Variants in PRKCA observed in about 807,000 individuals in gnomAD.
The protein encoded by PRKCA is protein kinase C alpha type.
Under a neutral mutation model 87.0 loss-of-function variants are expected in PRKCA, and 27 were observed. That is an observed-to-expected ratio of 0.31 (90% CI 0.23 to 0.43). PRKCA has a LOEUF of 0.43. Ranked by LOEUF, PRKCA falls within the 20% of genes least tolerant of loss-of-function variation. PRKCA has a pLI of 1.00. For missense variants in PRKCA, 518 were observed against 852.3 expected, an observed-to-expected ratio of 0.61 and a Z score of 4.88; for synonymous variants, 329 against 311.1, an observed-to-expected ratio of 1.06 and a Z score of -0.61.
At chr17:66,587,929 A>C (rs1598796487) in intron 3 of PRKCA, among the ~76,000 whole-genome samples, 2 of 122,310 alleles carry the variant, frequency 1.6e-5, no homozygotes, top group South Asian at 2.5e-4. Flanking sequence ...ATATATATAT[A>C]TATCCTGCAG....
intron 3 of PRKCA, among the ~76,000 whole-genome samples, chr17:66,590,929 C>T (rs1166159851): frequency 1.3e-5 from 2 of 152,120 alleles, no homozygotes; most frequent in Non-Finnish European, 2.9e-5. Context: ...GAACCCACCG[C>T]CGCAGCTTAA....
chr17:66,738,514 G>A (rs946103596), intron 10 of PRKCA, among the ~76,000 whole-genome samples: 7 of 152,332 alleles, frequency 4.6e-5, no homozygotes, highest in South Asian at 4.1e-4. Flanking sequence ...TATGTAACAG[G>A]AAGGCACGTT....
chr17:66,743,981 C>T (rs1974215100), intron 13 of PRKCA, among the ~76,000 whole-genome samples: 1 of 152,080 alleles, frequency 6.6e-6, no homozygotes, highest in African/African-American at 2.4e-5. Context: ...GGATAATATC[C>T]TCCTTGTAGA....
intron 16 of PRKCA, among the ~76,000 whole-genome samples, chr17:66,795,054 A>G (rs1310085653): frequency 2.0e-5 from 3 of 151,874 alleles, no homozygotes; most frequent in African/African-American, 7.3e-5. Context: ...ATATATACTT[A>G]TTTTTTTCTG....
Position 66,759,433 on chromosome 17 carries a change from A to G in PRKCA, c.1525-14554A>G, listed in dbSNP as rs570255997. 2.6e-5 allele frequency among the ~76,000 whole-genome samples: 4 copies of G among 152,096 alleles called. No homozygotes were observed. The South Asian group carries it at 6.2e-4, about 24-fold the overall frequency. On this transcript the variant is annotated intron_variant, in intron 13 of 16. Coordinates refer to ENST00000413366, the MANE Select transcript of PRKCA (RefSeq NM_002737.3). ...TTCTAGGGCAACCACTAAGAAAAGG[A>G]AAAAAGGAAGTCACTGATATGCTAA...
chr17:66,664,444 T>G (rs1326600747), intron 5 of PRKCA, among the ~76,000 whole-genome samples: 1 of 152,014 alleles, frequency 6.6e-6, no homozygotes, highest in Non-Finnish European at 1.5e-5. Context: ...CAAGAGAAAT[T>G]CATGGGCCCA....
At chr17:66,518,041 C>T (rs1967026926) in intron 3 of PRKCA, among the ~76,000 whole-genome samples, 1 of 152,006 alleles carries the variant, frequency 6.6e-6, no homozygotes, top group African/African-American at 2.4e-5. Context: ...ATAACCTTAC[C>T]TCCCAGTAGC....
chr17:66,709,692 T>TC (rs1480789249), intron 8 of PRKCA, among the ~76,000 whole-genome samples: 4 of 151,314 alleles, frequency 2.6e-5, no homozygotes, highest in Middle Eastern at 3.5e-3. Flanking sequence ...TTTTTTTTTT[T>TC]CCCTTTTTCT....
intron 3 of PRKCA, among the ~76,000 whole-genome samples, chr17:66,640,696 C>T (rs1468824934): frequency 1.3e-5 from 2 of 152,154 alleles, no homozygotes; most frequent in Admixed American, 6.5e-5. Flanking sequence ...TACTCGTGCC[C>T]CAGCCTGCGC....
At chr17:66,670,319 G>A (rs189534244) in intron 5 of PRKCA, among the ~76,000 whole-genome samples, 14 of 152,176 alleles carry the variant, frequency 9.2e-5, no homozygotes, top group African/African-American at 3.1e-4. Context: ...TATCAAAACT[G>A]TAACTCATAT....
chr17:66,408,329 A>G (rs1911539968), intron 2 of PRKCA, among the ~76,000 whole-genome samples: 1 of 152,236 alleles, frequency 6.6e-6, no homozygotes, highest in Non-Finnish European at 1.5e-5. Flanking sequence ...CTGTTAATTA[A>G]TTAGTACCTT....
chr17:66,717,393 C>G (rs1283915841), intron 8 of PRKCA, among the ~76,000 whole-genome samples: 1 of 152,164 alleles, frequency 6.6e-6, no homozygotes, highest in East Asian at 1.9e-4. Context: ...TTTGCTCACC[C>G]TCGATGTAGG....
At chr17:66,587,635 G>T (rs1239119049) in intron 3 of PRKCA, among the ~76,000 whole-genome samples, 2 of 149,636 alleles carry the variant, frequency 1.3e-5, no homozygotes, top group Non-Finnish European at 3.0e-5. Context: ...TAGATATATA[G>T]ATATATATAA....
chr17:66,434,579 C>T (rs1033914584), intron 2 of PRKCA, among the ~76,000 whole-genome samples: 10 of 152,226 alleles, frequency 6.6e-5, no homozygotes, highest in Non-Finnish European at 1.3e-4. Flanking sequence ...GGCATTTTGA[C>T]GATTTCCCCC....
chr17:66,544,097 C>T (rs1049103710), intron 3 of PRKCA, among the ~76,000 whole-genome samples: 2 of 152,052 alleles, frequency 1.3e-5, no homozygotes, highest in African/African-American at 4.8e-5. Context: ...CACCTGTAGT[C>T]CCTGCTACTG....
chr17:66,544,965 A>C (rs970600527), intron 3 of PRKCA, among the ~76,000 whole-genome samples: 1 of 152,170 alleles, frequency 6.6e-6, no homozygotes, highest in African/African-American at 2.4e-5. Context: ...TATTTTCTCT[A>C]TTTTACAGAT....
chr17:66,733,090 A>G (rs902919785), intron 9 of PRKCA, among the ~76,000 whole-genome samples: 7 of 149,536 alleles, frequency 4.7e-5, no homozygotes, highest in Non-Finnish European at 1.0e-4. Flanking sequence ...GGCGGAGCTT[A>G]CAGTGAGCCG....
intron 2 of PRKCA, among the ~76,000 whole-genome samples, chr17:66,404,922 G>C (rs2143706288): frequency 6.6e-6 from 1 of 151,832 alleles, no homozygotes; most frequent in Non-Finnish European, 1.5e-5. Flanking sequence ...GCTAATTTTT[G>C]TGTTTTTAGT....
intron 2 of PRKCA, among the ~76,000 whole-genome samples, chr17:66,387,463 G>A (rs1258293729): frequency 6.6e-6 from 1 of 152,180 alleles, no homozygotes; most frequent in African/African-American, 2.4e-5. Context: ...TCCTGGGAGA[G>A]CTCCTGTCTT....
Sources: allele counts gnomAD v4.1 joint callset (sites outside exome capture counted in the v4.1 genomes callset), GRCh38; gene constraint gnomAD v4.1.1; transcripts MANE v1.5; gene names NCBI Gene and HGNC (gene_info 2026-07-23, HGNC 2026-07-21).